The following DAPK1 variants were observed in gnomAD, a reference collection of about 807,000 sequenced individuals.
The protein encoded by DAPK1 is death associated protein kinase 1.
In DAPK1, 56 loss-of-function variants were observed where a neutral mutation model predicts 144.9. That is an observed-to-expected ratio of 0.39 (90% CI 0.31 to 0.48). DAPK1 has a LOEUF of 0.48. Ranked by LOEUF, DAPK1 falls within the 20% of genes least tolerant of loss-of-function variation. The pLI is 0.95. For synonymous variants in DAPK1, 690 were observed against 749.0 expected (o/e 0.92, Z 1.29); for missense variants, 1,454 against 1,875.4 (o/e 0.78, Z 4.15).
At chr9:87,524,760 A>G (rs767136219) in intron 2 of DAPK1, among the ~76,000 whole-genome samples, 7 of 152,216 alleles carry the variant, frequency 4.6e-5, no homozygotes, top group Non-Finnish European at 8.8e-5. Flanking sequence ...GAGATTGGAG[A>G]CAATGATTCT....
chr9:87,562,861 A>G (rs1698521957), intron 2 of DAPK1, among the ~76,000 whole-genome samples: 1 of 152,264 alleles, frequency 6.6e-6, no homozygotes, highest in African/African-American at 2.4e-5. Context: ...AATTTGCTTT[A>G]TATTAAACTT....
At chr9:87,515,158 G>C (rs1175159160) in intron 2 of DAPK1, among the ~76,000 whole-genome samples, 1 of 152,200 alleles carries the variant, frequency 6.6e-6, no homozygotes, top group Non-Finnish European at 1.5e-5. Flanking sequence ...CTCTATTTCA[G>C]AGCTTGGCAG....
intron 3 of DAPK1, among the ~76,000 whole-genome samples, chr9:87,606,692 CTCCT>C (rs147541170): frequency 0.16 from 13,162 of 84,532 alleles, 1,681 homozygotes; most frequent in East Asian, 0.29. Context: ...CCCTCCCTCT[CTCCT>C]TCCTTCCTTC....
upstream of DAPK1, chr9:87,497,391 C>G (rs1003741058): frequency 1.3e-5 from 2 of 152,252 alleles, no homozygotes; most frequent in African/African-American, 2.4e-5. Context: ...TATTAATTAG[C>G]TTACATATTT....
intron 2 of DAPK1, among the ~76,000 whole-genome samples, chr9:87,557,341 T>G (rs1322118405): frequency 6.6e-6 from 1 of 152,232 alleles, no homozygotes; most frequent in Non-Finnish European, 1.5e-5. Context: ...TGTACCTTCC[T>G]GTCGTGTTCT....
chr9:87,570,035 T>A (rs566925112), intron 2 of DAPK1, among the ~76,000 whole-genome samples: 1 of 152,338 alleles, frequency 6.6e-6, no homozygotes, highest in East Asian at 1.9e-4. Flanking sequence ...AAAAGCAATG[T>A]GTGTTTTTTC....
intron 13 of DAPK1, among the ~76,000 whole-genome samples, chr9:87,646,853 A>G (rs1377585283): frequency 6.6e-6 from 1 of 152,026 alleles, no homozygotes; most frequent in African/African-American, 2.4e-5. Flanking sequence ...GATGTCACAC[A>G]TGAAAAAGTT....
At chr9:87,534,614 T>C (rs1485392448) in intron 2 of DAPK1, among the ~76,000 whole-genome samples, 1 of 151,926 alleles carries the variant, frequency 6.6e-6, no homozygotes. Context: ...ATACCCTTAT[T>C]TTTAAAGTGT....
Position 87,499,000 on chromosome 9 carries a change from G to A in DAPK1, c.-78G>A. 8.5e-7 allele frequency: 1 copy of A among 1,171,110 alleles called. No individual in the cohort carries two copies. The highest frequency in any genetic ancestry group is 1.3e-6 in the Non-Finnish European group (1 of 778,620). The allele number at this position is 1,171,110 out of a possible 1,614,324, so 72.5% of individuals were successfully genotyped here. ...GAGACTGATGCATGAGGGGGCTACG[G>A]AGGCGCAGGAGCGGTGGTGATGGTC... On this transcript the variant is annotated 5_prime_UTR_variant, in exon 2 of 26. Coordinates refer to ENST00000408954, the MANE Select transcript of DAPK1 (RefSeq NM_004938.4).
chr9:87,557,907 C>T (rs1826776015), intron 2 of DAPK1, among the ~76,000 whole-genome samples: 2 of 152,146 alleles, frequency 1.3e-5, no homozygotes, highest in African/African-American at 4.8e-5. Flanking sequence ...TGACATTGCA[C>T]TCCAGCCTGG....
chr9:87,625,307 C>T (rs1829454934), intron 3 of DAPK1, among the ~76,000 whole-genome samples: 1 of 152,212 alleles, frequency 6.6e-6, no homozygotes, highest in African/African-American at 2.4e-5. Flanking sequence ...GATGCTGTGC[C>T]TTGGACACTG....
chr9:87,587,911 A>G (rs1456141538), intron 2 of DAPK1, among the ~76,000 whole-genome samples: 2 of 152,268 alleles, frequency 1.3e-5, no homozygotes, highest in Non-Finnish European at 2.9e-5. Flanking sequence ...TTAAGCAACT[A>G]TATACAATAA....
chr9:87,603,574 A>G lies in DAPK1; in HGVS notation c.63-1380A>G, dbSNP rs552329773. Among the ~76,000 whole-genome samples, 4 of 152,354 alleles carry G rather than the reference A, an allele frequency of 2.6e-5. No individual in the cohort carries two copies. The East Asian group carries it at 7.7e-4, about 29-fold the overall frequency. ...TTAAAGTATCCATTCTTTAACATCA[A>G]AATATTATCCTTAATTTGCTTTTCT... is the stretch of plus-strand genomic sequence containing the variant. On this transcript the variant is annotated intron_variant, in intron 2 of 25. Coordinates refer to ENST00000408954, the MANE Select transcript of DAPK1 (RefSeq NM_004938.4).
intron 3 of DAPK1, among the ~76,000 whole-genome samples, chr9:87,621,609 A>G (rs1829294885): frequency 6.6e-6 from 1 of 152,170 alleles, no homozygotes; most frequent in Admixed American, 6.5e-5. Context: ...TCTAGAGCTC[A>G]GGGTGGTCTG....
chr9:87,512,833 G>T (rs1011017307), intron 2 of DAPK1, among the ~76,000 whole-genome samples: 6 of 152,136 alleles, frequency 3.9e-5, no homozygotes, highest in South Asian at 2.1e-4. Context: ...TAGACACAGG[G>T]TTTCACCATG....
chr9:87,558,041 T>C (rs1457922126), intron 2 of DAPK1, among the ~76,000 whole-genome samples: 4 of 152,248 alleles, frequency 2.6e-5, no homozygotes, highest in Non-Finnish European at 4.4e-5. Flanking sequence ...CTTCTTTTAC[T>C]TGCTCAGCCA....
At chr9:87,541,221 C>T (rs1381549763) in intron 2 of DAPK1, among the ~76,000 whole-genome samples, 1 of 151,990 alleles carries the variant, frequency 6.6e-6, no homozygotes, top group Non-Finnish European at 1.5e-5. Context: ...ATGTCCAAAC[C>T]GACTGTAAGT....
rs1391726494 is a variant in DAPK1, at chr9:87,589,429, G to GCATCTTT, written c.63-15524_63-15523insATCTTTC. ...CAGCATCTTTCCCACTAAGTGAAGG[G>GCATCTTT]CCCAGACTCGAGCACAGGAGCACAG... is the stretch of plus-strand genomic sequence containing the variant. On this transcript the variant is annotated intron_variant, in intron 2 of 25. Coordinates refer to ENST00000408954, the MANE Select transcript of DAPK1 (RefSeq NM_004938.4). Among the ~76,000 whole-genome samples, 51 of 152,228 alleles carry GCATCTTT rather than the reference G, an allele frequency of 3.4e-4. No homozygotes were observed. The East Asian group carries it at 9.7e-3, about 29-fold the overall frequency.
At chr9:87,668,358 T>C (rs1441606825) in intron 18 of DAPK1, 2 of 515,644 alleles carry the variant, frequency 3.9e-6, no homozygotes, top group Non-Finnish European at 7.0e-6. Context: ...GGTGTCGCTA[T>C]TGGACAGGAA....
Sources: gnomAD v4.1 joint callset for allele counts (sites outside exome capture counted in the v4.1 genomes callset) on GRCh38, gnomAD v4.1.1 for gene constraint, MANE v1.5 for transcripts, NCBI Gene and HGNC (gene_info 2026-07-23, HGNC 2026-07-21) for gene names.